Variants in MXRA5 observed in about 807,000 individuals in gnomAD.
MXRA5 encodes the protein matrix remodeling associated 5.
Under a neutral mutation model 112.5 loss-of-function variants are expected in MXRA5, and 41 were observed. That is an observed-to-expected ratio of 0.36 (90% confidence interval 0.28 to 0.47). MXRA5 has a LOEUF of 0.47. Among genes scored for constraint, MXRA5 ranks in the 20% least tolerant of loss-of-function variants. The pLI is 0.99. For synonymous variants in MXRA5, 862 were observed against 900.8 expected, an observed-to-expected ratio of 0.96 and a Z score of 0.77; for missense variants, 2,150 against 2,251.0, an observed-to-expected ratio of 0.96 and a Z score of 0.91.
Position 3,320,755 on chromosome X carries a change from T to C in MXRA5, c.4930A>G (p.Asn1644Asp), listed in dbSNP as rs764799373. ...VTSQSPRHWT[N>D]KPEITTYPSG... Reference sequence around the variant, plus strand: ...GGATATGTAGTTATTTCCGGTTTGTTGGTCCAGTGACGAGGTGACTGGGAA... The same window carrying C: ...GGATATGTAGTTATTTCCGGTTTGTCGGTCCAGTGACGAGGTGACTGGGAA... The change falls in exon 5 of 7, where the codon AAC becomes GAC. Residue 1644 changes from asparagine to aspartate, a missense_variant. Around this residue, in one of 6 missense-constraint regions of MXRA5, gnomAD observed 1,485 missense variants for 1,471.6 expected, o/e 1.01. Coordinates refer to ENST00000217939, the MANE Select transcript of MXRA5 (RefSeq NM_015419.4). 5 of 1,212,082 alleles carry C rather than the reference T, an allele frequency of 4.1e-6. No individual in the cohort carries two copies. The South Asian group carries it at 8.8e-5, about 21-fold the overall frequency.
rs1920992049 is a variant in MXRA5 at position 3,311,621 on chromosome X, A to G, written c.6582T>C (p.Phe2194=). 6 of 1,199,363 alleles carry G rather than the reference A, an allele frequency of 5.0e-6. No homozygotes were observed. The African/African-American group carries it at 6.9e-5, about 14-fold the overall frequency. ...TGGCAAACACCTTGATTCTGCTATC[A>G]AAACTACAGAAAAAAAGAAAAAGGA... ...SKRMIDALFS[F]DSRIKVFANG... The change falls in exon 7 of 7, where the codon TTT becomes TTC. Residue 2194 remains phenylalanine (F), a synonymous_variant. Coordinates refer to ENST00000217939, the MANE Select transcript of MXRA5 (RefSeq NM_015419.4).
Position 3,309,762 on chromosome X carries a change from T to A in MXRA5, c.8441A>T (p.Asn2814Ile). Residue 2814 changes from asparagine to isoleucine, a missense_variant, in exon 7 of 7, where the codon AAC becomes ATC. By Grantham distance (149) the Asn-to-Ile change is moderately radical. This residue lies in a region of MXRA5 where 178 missense variants were observed against 198.2 expected (regional missense o/e 0.90). Coordinates refer to ENST00000217939, the MANE Select transcript of MXRA5 (RefSeq NM_015419.4). ...TGTTTTGGAGTCACTGCCGAGAATGTTTTTTGCCATGCACTTGTAGAAGCC... is the reference window on the plus strand; with the variant it reads ...TGTTTTGGAGTCACTGCCGAGAATGATTTTTGCCATGCACTTGTAGAAGCC... ...DAGFYKCMAK[N>I]ILGSDSKTTY... The A allele has an allele frequency of 8.3e-7, 1 of 1,211,559 alleles. No individual in the cohort carries two copies. The highest frequency in any genetic ancestry group is 1.8e-5 in the South Asian group (1 of 56,896).
At chrX:3,329,459 G>T (rs896906298) in intron 4 of MXRA5, among the ~76,000 whole-genome samples, 3 of 111,449 alleles carry the variant, frequency 2.7e-5, no homozygotes, top group African/African-American at 6.5e-5. Context: ...GAAGGAAGAT[G>T]AAGGAAGGGG....
chrX:3,342,895 T>C (rs1922021759), intron 2 of MXRA5, among the ~76,000 whole-genome samples: 2 of 112,796 alleles, frequency 1.8e-5, no homozygotes, highest in Non-Finnish European at 3.7e-5. Context: ...CCATTTTATT[T>C]TTACTAAAAC....
Position 3,310,537 on chromosome X carries a change from C to G in MXRA5, c.7666G>C (p.Ala2556Pro), listed in dbSNP as rs1388004536. Reference protein sequence around the residue: ...DPISEKITAMAGHTISLNCSA... With the variant: ...DPISEKITAMPGHTISLNCSA... ...CAGTTGAGGCTGATGGTGTGGCCCGCCATGGCCGTGATCTTCTCGCTGATC... is the reference window on the plus strand; with the variant it reads ...CAGTTGAGGCTGATGGTGTGGCCCGGCATGGCCGTGATCTTCTCGCTGATC... Residue 2556 changes from alanine (A) to proline (P), a missense_variant, in exon 7 of 7, where the codon GCG (alanine) becomes CCG (proline). By Grantham distance (27) the Ala-to-Pro change is conservative. Transcript: ENST00000217939. The G allele has an allele frequency of 9.2e-6, 11 of 1,189,630 alleles. No homozygotes were observed. The highest frequency in any genetic ancestry group is 1.8e-5 in the African/African-American group (1 of 54,924).
chrX:3,320,555 T>G lies in MXRA5; in HGVS notation c.5130A>C (p.Ala1710=). The change falls in exon 5 of 7, where the codon GCA becomes GCC. Residue 1710 remains alanine, a synonymous_variant. Coordinates refer to ENST00000217939, the MANE Select transcript of MXRA5 (RefSeq NM_015419.4). ...TGGGAGGCTTTCCAACTGGGTTTCT[T>G]GCCTCAGGGATGTTGTTATTTCCAA... The part of the protein sequence containing the change: ...KVFGNNNIPE[A]RNPVGKPPSP... 3.3e-6 allele frequency: 4 copies of G among 1,211,847 alleles called. No individual in the cohort carries two copies. Among genetic ancestry groups the G allele is most frequent in the Non-Finnish European group, 4.5e-6 (4 of 895,521 alleles).
rs987199034 is a variant in MXRA5 at position 3,309,324 on chromosome X, G to C, written c.*392C>G. 7.9e-5 allele frequency: 11 copies of C among 139,432 alleles called. No homozygotes were observed. The highest frequency in any genetic ancestry group is 5.7e-4 in the Admixed American group (7 of 12,213). 11.5% of individuals were successfully genotyped at this position (139,432 alleles called of 1,213,427 possible). On this transcript the variant is annotated 3_prime_UTR_variant, in exon 7 of 7. Coordinates refer to ENST00000217939, the MANE Select transcript of MXRA5 (RefSeq NM_015419.4). ...AACTGCAGCAGGTTAACTAGGTGAT[G>C]CGTCTTCAATGGGGTAGTGAGGTGT...
intron 2 of MXRA5, among the ~76,000 whole-genome samples, chrX:3,336,066 C>T (rs1921778348): frequency 8.9e-6 from 1 of 112,168 alleles, no homozygotes; most frequent in Non-Finnish European, 1.9e-5. Flanking sequence ...ACTGCCTGAG[C>T]TCCACTTCCT....
intron 6 of MXRA5, among the ~76,000 whole-genome samples, chrX:3,316,230 C>T (rs1455090924): frequency 2.3e-5 from 1 of 43,030 alleles, no homozygotes; most frequent in African/African-American, 1.8e-4. Context: ...AGGAGAATGG[C>T]GTGAACCCGG....
chrX:3,313,956 T>A (rs1185232227), intron 6 of MXRA5, among the ~76,000 whole-genome samples: 10 of 111,740 alleles, frequency 8.9e-5, no homozygotes, highest in African/African-American at 2.9e-4. Flanking sequence ...AAAAGGCATC[T>A]CAGCCCTTTT....
rs1396330541 is a variant in MXRA5 at position 3,317,173 on chromosome X, C to T, written c.6508G>A (p.Ala2170Thr). ...ATGCGCGGCCAGGGGTCCCCCGAGG[C>T]GCTGCAGTCCAGCTTGAGGGTTCCT... ...YGGTLKLDCSASGDPWPRILW... is the reference protein window; with the variant it reads ...YGGTLKLDCSTSGDPWPRILW... The change falls in exon 6 of 7, where the codon GCC (alanine) becomes ACC (threonine). Residue 2170 changes from alanine (A) to threonine (T), a missense_variant. Coordinates refer to ENST00000217939, the MANE Select transcript of MXRA5 (RefSeq NM_015419.4). 1 of 1,207,166 alleles carries T rather than the reference C, an allele frequency of 8.3e-7. No individual in the cohort carries two copies. The highest frequency in any genetic ancestry group is 3.0e-5 in the East Asian group (1 of 33,651).
chrX:3,332,496 G>A (rs766794573), intron 2 of MXRA5, among the ~76,000 whole-genome samples: 1 of 110,319 alleles, frequency 9.1e-6, no homozygotes, highest in Admixed American at 9.6e-5. Flanking sequence ...CGCCCCACTC[G>A]GCCTCCCAAA....
rs1171890882 is a variant in MXRA5 at position 3,320,640 on chromosome X, C to T, written c.5045G>A (p.Ser1682Asn). The change falls in exon 5 of 7, where the codon AGC (serine) becomes AAC (asparagine). Residue 1682 changes from serine (S) to asparagine (N), a missense_variant. By Grantham distance (46) the Ser-to-Asn change is conservative (BLOSUM62 1). Transcript: ENST00000217939. ...IPLPLHMSKP[S>N]IPSKFTDRRT... ...TCGGTCAGTAAACTTACTAGGAATG[C>T]TGGGTTTGGACATGTGCAATGGGAG... 6 of 1,211,646 alleles carry T rather than the reference C, an allele frequency of 5.0e-6. No homozygotes were observed. Among genetic ancestry groups the T allele is most frequent in the Non-Finnish European group, 5.6e-6 (5 of 895,334 alleles).
rs765386263 is a variant in MXRA5 at position 3,326,892 on chromosome X, T to C, written c.710-1917A>G. On this transcript the variant is annotated intron_variant, in intron 4 of 6. Transcript: ENST00000217939. Reference sequence around the variant, plus strand: ...GTGATGACTACCATATGTGCTTCTCTAGTCCAAACACATTCCGTGAGTTCC... The same window carrying C: ...GTGATGACTACCATATGTGCTTCTCCAGTCCAAACACATTCCGTGAGTTCC... 4.5e-5 allele frequency among the ~76,000 whole-genome samples: 5 copies of C among 111,918 alleles called. No homozygotes were observed. The South Asian group carries it at 1.9e-3, about 42-fold the overall frequency.
At position 3,322,625 on chromosome X, in the gene MXRA5, A is replaced by G; in HGVS notation, c.3060T>C (p.Asp1020=). 25 of 1,211,540 alleles carry G rather than the reference A, an allele frequency of 2.1e-5. No individual in the cohort carries two copies. Among genetic ancestry groups the G allele is most frequent in the Non-Finnish European group, 2.7e-5 (24 of 895,374 alleles). Residue 1020 remains aspartate, a synonymous_variant, in exon 5 of 7, where the codon GAT becomes GAC. Coordinates refer to ENST00000217939, the MANE Select transcript of MXRA5 (RefSeq NM_015419.4). ...GGACACCTGGTTCCCCTATAGTAGA[A>G]TCCTCAAATAACTGTGATGTACTGG... is the stretch of plus-strand genomic sequence containing the variant. The part of the protein sequence containing the change: ...NDSSTSQLFE[D]STIGEPGVPG...
chrX:3,322,707 A>G lies in MXRA5; in HGVS notation c.2978T>C (p.Met993Thr), dbSNP rs1403769278. ...AAGGTGTGCAAAGGTGTCTTCTTTC[A>G]TCTTATCCTCATCTGGTTGTGACTT... ...ETKSQPDEDK[M>T]KEDTFAHLTP... The change falls in exon 5 of 7, where the codon ATG becomes ACG. Residue 993 changes from methionine to threonine, a missense_variant. Around this residue, in one of 6 missense-constraint regions of MXRA5, gnomAD observed 1,485 missense variants for 1,471.6 expected, o/e 1.01. Coordinates refer to ENST00000217939, the MANE Select transcript of MXRA5 (RefSeq NM_015419.4). The G allele has an allele frequency of 8.3e-7, 1 of 1,211,432 alleles. No homozygotes were observed.
intron 4 of MXRA5, among the ~76,000 whole-genome samples, chrX:3,329,802 A>T (rs1050807863): frequency 8.9e-6 from 1 of 111,877 alleles, no homozygotes; most frequent in Non-Finnish European, 1.9e-5. Context: ...CATTTCACTA[A>T]GGGATAACTG....
At chrX:3,334,532 G>T (rs1921741736) in intron 2 of MXRA5, among the ~76,000 whole-genome samples, 1 of 111,345 alleles carries the variant, frequency 9.0e-6, no homozygotes, top group Non-Finnish European at 1.9e-5. Flanking sequence ...CAAAGGGAAA[G>T]TCACAGCCAA....
intron 2 of MXRA5, among the ~76,000 whole-genome samples, chrX:3,332,544 A>G (rs5939495): frequency 0.19 from 20,931 of 111,843 alleles, 2,571 homozygotes; most frequent in African/African-American, 0.44. Context: ...GCGCCCGGCC[A>G]CATTCTTCTT....
Sources: gnomAD v4.1 joint callset for allele counts (sites outside exome capture counted in the v4.1 genomes callset) on GRCh38, gnomAD v4.1.1 for gene constraint, gnomAD v4.1.1 regional missense constraint, MANE v1.5 for transcripts, NCBI Gene and HGNC (gene_info 2026-07-23, HGNC 2026-07-21) for gene names.